The following FNDC1 variants were observed in gnomAD, a reference collection of about 807,000 sequenced individuals.
FNDC1 encodes fibronectin type III domain containing 1.
A neutral mutation model predicts 168.0 loss-of-function variants in FNDC1; 96 were observed. The observed-to-expected ratio is 0.57, with a 90% CI of 0.48 to 0.68. The LOEUF (loss-of-function observed/expected upper bound fraction) is 0.68. FNDC1 is among the 30% of genes least tolerant of loss of function. FNDC1 has a pLI of 0.00. For missense variants in FNDC1, 2,587 were observed against 2,482.1 expected (o/e 1.04, Z -0.90); for synonymous variants, 1,099 against 1,025.9 (o/e 1.07, Z -1.36).
At position 159,234,163 on chromosome 6, in the gene FNDC1, G is replaced by C; in HGVS notation, c.3651G>C (p.Gly1217=). 1.9e-6 allele frequency: 3 copies of C among 1,599,430 alleles called. No individual in the cohort carries two copies. Among genetic ancestry groups the C allele is most frequent in the Non-Finnish European group, 2.6e-6 (3 of 1,173,578 alleles). Residue 1217 remains glycine, a synonymous_variant, in exon 11 of 23, where the codon GGG becomes GGC. Transcript: ENST00000297267. ...CCAGGGGCGGCAAAGACGCCGATGGGAGCCTCGCCAAGGAAGAGAGGGAGC... is the reference window on the plus strand; with the variant it reads ...CCAGGGGCGGCAAAGACGCCGATGGCAGCCTCGCCAAGGAAGAGAGGGAGC... The part of the protein sequence containing the change: ...STPRGGKDAD[G]SLAKEEREPA...
At chr6:159,261,140 C>G (rs924468939) in intron 18 of FNDC1, 50 bp from the exon 19 acceptor site, 6 of 1,456,132 alleles carry the variant, frequency 4.1e-6, no homozygotes, top group Non-Finnish European at 3.8e-6. Context: ...TTTTGTTACA[C>G]AGAAATCAAA....
intron 4 of FNDC1, 30 bp downstream of exon 4, chr6:159,200,611 T>C: frequency 6.6e-7 from 1 of 1,524,932 alleles, no homozygotes; most frequent in Non-Finnish European, 9.0e-7. Context: ...GTCAGATTCA[T>C]GTTTTCACTG....
chr6:159,247,522 G>A (rs758731225), intron 15 of FNDC1, among the ~76,000 whole-genome samples: 15 of 152,172 alleles, frequency 9.9e-5, no homozygotes, highest in Non-Finnish European at 1.8e-4. Context: ...GTCAAGGAGG[G>A]AGGATAACTT....
intron 1 of FNDC1, among the ~76,000 whole-genome samples, chr6:159,196,712 T>C (rs753358697): frequency 2.3e-4 from 35 of 152,256 alleles, no homozygotes; most frequent in Non-Finnish European, 4.0e-4. Context: ...ATCAGTTACA[T>C]AGTGAGTAGA....
intron 1 of FNDC1, among the ~76,000 whole-genome samples, chr6:159,183,813 G>A (rs1025771358): frequency 1.3e-5 from 2 of 152,180 alleles, no homozygotes; most frequent in Non-Finnish European, 2.9e-5. Flanking sequence ...GTAAGCTGAG[G>A]AGCAAGAGAT....
At chr6:159,221,527 T>C in intron 5 of FNDC1, 71 bp from the exon 6 acceptor site, 2 of 1,243,334 alleles carry the variant, frequency 1.6e-6, no homozygotes, top group Non-Finnish European at 2.4e-6. Context: ...GAACCCCCGC[T>C]CCAGCCCCAG....
intron 7 of FNDC1, among the ~76,000 whole-genome samples, chr6:159,223,913 T>G (rs1360430553): frequency 6.6e-6 from 1 of 152,222 alleles, no homozygotes; most frequent in Non-Finnish European, 1.5e-5. Flanking sequence ...TTATCTTGTG[T>G]CTGGAAATTT....
At position 159,233,584 on chromosome 6, in the gene FNDC1, G is replaced by A. The variant is rs766715192; in HGVS notation, c.3072G>A (p.Ala1024=). The change falls in exon 11 of 23, where the codon GCG becomes GCA. Residue 1024 remains alanine, a synonymous_variant. Coordinates refer to ENST00000297267, the MANE Select transcript of FNDC1 (RefSeq NM_032532.3). This position sits in a 1 kb window ranked among gnomAD's most constrained non-coding sequence, Gnocchi z 4.6. ...QHHPGPQSRD[A]GRSPSQPRLS... ...ACCCGGGACCCCAGAGCAGAGACGC[G>A]GGTCGGTCACCTTCCCAGCCCAGGC... 3.8e-6 allele frequency: 6 copies of A among 1,584,038 alleles called. No homozygotes were observed. The highest frequency in any genetic ancestry group is 1.1e-5 in the South Asian group (1 of 87,314).
intron 11 of FNDC1, 65 bp downstream of exon 11, chr6:159,234,544 A>G (rs1783204413): frequency 6.7e-7 from 1 of 1,499,492 alleles, no homozygotes; most frequent in African/African-American, 1.4e-5. Flanking sequence ...AATGCCTAAG[A>G]AGTTTTTATT....
intron 10 of FNDC1, among the ~76,000 whole-genome samples, 199 bp from the exon 11 acceptor site, chr6:159,231,683 T>C (rs1783085728): frequency 6.6e-6 from 1 of 152,258 alleles, no homozygotes; most frequent in South Asian, 2.1e-4. Context: ...CTATATTTGT[T>C]ACTTAAAGCA....
chr6:159,239,725 T>C lies in FNDC1; in HGVS notation c.4389T>C (p.Thr1463=). Residue 1463 remains threonine (T), a synonymous_variant, in exon 14 of 23, where the codon ACT becomes ACC. Coordinates refer to ENST00000297267, the MANE Select transcript of FNDC1 (RefSeq NM_032532.3). ...CTACTACGACGCCCCTGCCTACCAC[T>C]ACAACCCCGAGGCCCACCACTGCCA... The part of the protein sequence containing the change: ...PTTTTTPLPT[T]TTPRPTTATT... 1 of 1,547,940 alleles carries C rather than the reference T, an allele frequency of 6.5e-7. No individual in the cohort carries two copies. Among genetic ancestry groups the C allele is most frequent in the Non-Finnish European group, 8.7e-7 (1 of 1,144,912 alleles).
intron 2 of FNDC1, 88 bp downstream of exon 2, chr6:159,197,713 C>A (rs1782280247): frequency 2.4e-6 from 3 of 1,253,430 alleles, no homozygotes; most frequent in African/African-American, 1.5e-5. Flanking sequence ...GTGAGACAAC[C>A]CATGGCTGGG....
At chr6:159,270,830 G>A (rs944414177) in intron 22 of FNDC1, among the ~76,000 whole-genome samples, 1 of 152,216 alleles carries the variant, frequency 6.6e-6, no homozygotes, top group African/African-American at 2.4e-5. Context: ...CTGGCTCAAT[G>A]TCATCCATCC....
intron 12 of FNDC1, 141 bp downstream of exon 12, chr6:159,236,456 G>T (rs1783262680): frequency 1.8e-5 from 11 of 615,888 alleles, no homozygotes; most frequent in Non-Finnish European, 3.1e-5. Flanking sequence ...TACTTGTATA[G>T]AGTTTATTTT....
intron 22 of FNDC1, among the ~76,000 whole-genome samples, chr6:159,270,759 T>G (rs1050628872): frequency 1.3e-5 from 2 of 152,178 alleles, no homozygotes; most frequent in Admixed American, 6.5e-5. Flanking sequence ...GTCCAGGAAT[T>G]AAGCCTTGGA....
At chr6:159,238,023 T>C (rs1783304018) in intron 12 of FNDC1, among the ~76,000 whole-genome samples, 1 of 152,320 alleles carries the variant, frequency 6.6e-6, no homozygotes, top group African/African-American at 2.4e-5. Flanking sequence ...ACATCTTTTG[T>C]GATTTGAGAA....
At position 159,265,009 on chromosome 6, in the gene FNDC1, G is replaced by A; in HGVS notation, c.5284+5G>A. 4 of 1,604,102 alleles carry A rather than the reference G, an allele frequency of 2.5e-6. No homozygotes were observed. The highest frequency in any genetic ancestry group is 3.4e-6 in the Non-Finnish European group (4 of 1,173,906). ...TGCTTGTTGTGAGGCCCCCAGGTAAGTTTATGTTCTTGATAATCTGGACAT... is the reference window on the plus strand; with the variant it reads ...TGCTTGTTGTGAGGCCCCCAGGTAAATTTATGTTCTTGATAATCTGGACAT... On this transcript the variant is annotated splice_donor_5th_base_variant and intron_variant, in intron 20 of 22. Transcript: ENST00000297267.
chr6:159,270,461 G>T (rs1366552322), intron 22 of FNDC1, among the ~76,000 whole-genome samples: 4 of 152,112 alleles, frequency 2.6e-5, no homozygotes. Flanking sequence ...GTCCCTCAGG[G>T]TTACTAGTGC....
At chr6:159,254,638 G>A (rs895420360) in intron 17 of FNDC1, among the ~76,000 whole-genome samples, 2 of 149,912 alleles carry the variant, frequency 1.3e-5, no homozygotes, top group African/African-American at 4.9e-5. Context: ...AACCCGGGAG[G>A]TGGAGCTTGC....
Sources: gnomAD v4.1 joint callset for allele counts (sites outside exome capture counted in the v4.1 genomes callset) on GRCh38, gnomAD v4.1.1 for gene constraint, Gnocchi (gnomAD v3.1) non-coding constraint, MANE v1.5 for transcripts, NCBI Gene and HGNC (gene_info 2026-07-23, HGNC 2026-07-21) for gene names.